The following LSAMP variants were observed in gnomAD, a reference collection of about 807,000 sequenced individuals.
LSAMP encodes limbic system-associated membrane protein.
In LSAMP, 7 loss-of-function variants were observed where a neutral mutation model predicts 38.6. The ratio of observed to expected loss-of-function variants is 0.18; its 90% CI spans 0.10 to 0.34. LSAMP has a LOEUF of 0.34. Ranked by LOEUF, LSAMP falls within the 10% of genes least tolerant of loss-of-function variation. LSAMP has a pLI of 1.00. For missense variants in LSAMP, 313 were observed against 420.0 expected (o/e 0.75, Z 2.23); for synonymous variants, 154 against 166.8 (o/e 0.92, Z 0.59).
chr3:115,976,717 G>A (rs1442952429), intron 3 of LSAMP, among the ~76,000 whole-genome samples: 1 of 152,080 alleles, frequency 6.6e-6, no homozygotes, highest in Non-Finnish European at 1.5e-5. Context: ...TCCCCTTGCT[G>A]TTCTCATGAT....
At chr3:116,375,418 A>C (rs2048483172) in intron 1 of LSAMP, among the ~76,000 whole-genome samples, 1 of 151,996 alleles carries the variant, frequency 6.6e-6, no homozygotes, top group East Asian at 1.9e-4. Flanking sequence ...AAAGGAATTT[A>C]GGAAGTTTTT....
Position 116,086,405 on chromosome 3 carries a change from C to T in LSAMP, c.307G>A (p.Val103Ile), listed in dbSNP as rs1353705019. The change falls in exon 2 of 7, where the codon GTC becomes ATC. Residue 103 changes from valine to isoleucine, a missense_variant. Val to Ile is a conservative substitution (Grantham distance 29). Coordinates refer to ENST00000490035, the MANE Select transcript of LSAMP (RefSeq NM_002338.5). ...EYSLRIQKVD[V>I]YDEGSYTCSV... ...CAAGTGTAGGAACCCTCATCATAGACATCCACCTTCTGGATTCGGAGGCTG... is the reference window on the plus strand; with the variant it reads ...CAAGTGTAGGAACCCTCATCATAGATATCCACCTTCTGGATTCGGAGGCTG... 3 of 1,614,156 alleles carry T rather than the reference C, an allele frequency of 1.9e-6. No homozygotes were observed. The highest frequency in any genetic ancestry group is 2.5e-6 in the Non-Finnish European group (3 of 1,180,004).
chr3:116,078,489 C>T (rs1449123005), intron 2 of LSAMP, among the ~76,000 whole-genome samples: 1 of 151,864 alleles, frequency 6.6e-6, no homozygotes, highest in Admixed American at 6.6e-5. Context: ...CAACACCCAG[C>T]TAAGTTTTTT....
At chr3:116,197,408 G>C (rs1441617180) in intron 1 of LSAMP, among the ~76,000 whole-genome samples, 2 of 152,030 alleles carry the variant, frequency 1.3e-5, no homozygotes, top group Admixed American at 6.5e-5. Flanking sequence ...TTAAACTATA[G>C]TGCAGGCAAT....
At chr3:115,843,040 G>C (rs1043346405) in intron 4 of LSAMP, among the ~76,000 whole-genome samples, 6 of 152,198 alleles carry the variant, frequency 3.9e-5, no homozygotes, top group Non-Finnish European at 5.9e-5. Context: ...ATAATAGCCA[G>C]CTAAAGCCTT....
chr3:116,091,494 A>G (rs1708122782), intron 1 of LSAMP, among the ~76,000 whole-genome samples: 2 of 152,216 alleles, frequency 1.3e-5, no homozygotes, highest in Admixed American at 1.3e-4. Flanking sequence ...ACTCTTCGCA[A>G]TTTATGTTTA....
intron 2 of LSAMP, among the ~76,000 whole-genome samples, chr3:116,020,608 T>G (rs1940611424): frequency 6.6e-6 from 1 of 152,108 alleles, no homozygotes; most frequent in African/African-American, 2.4e-5. Flanking sequence ...TTTGGTGACG[T>G]GAGAAATGAG....
chr3:116,406,905 G>A (rs1207859232), intron 1 of LSAMP, among the ~76,000 whole-genome samples: 2 of 151,706 alleles, frequency 1.3e-5, no homozygotes, highest in South Asian at 2.1e-4. Context: ...AAGAGAAAGC[G>A]CAAAGGAAGA....
At chr3:115,839,250 CTTCCTTCTTTCT>C (rs1267818388) in intron 6 of LSAMP, among the ~76,000 whole-genome samples, 14 of 103,716 alleles carry the variant, frequency 1.3e-4, no homozygotes, top group African/African-American at 3.5e-4. Context: ...TCCTTCCTTC[CTTCCTTCTTTCT>C]TTCCTTCCTT....
At chr3:116,048,879 C>T (rs372414141) in intron 2 of LSAMP, among the ~76,000 whole-genome samples, 4 of 151,776 alleles carry the variant, frequency 2.6e-5, no homozygotes, top group East Asian at 1.9e-4. Context: ...TTCTGCATCA[C>T]GATATGAGAC....
chr3:116,232,991 A>C (rs969830932), intron 1 of LSAMP, among the ~76,000 whole-genome samples: 3 of 151,900 alleles, frequency 2.0e-5, no homozygotes, highest in African/African-American at 4.8e-5. Flanking sequence ...CATATTTGTC[A>C]ATTTTCTGTC....
chr3:116,186,203 A>G lies in LSAMP; in HGVS notation c.156-99647T>C, dbSNP rs79249974. On this transcript the variant is annotated intron_variant, in intron 1 of 6. Transcript: ENST00000490035. Reference sequence around the variant, plus strand: ...AATCTGGCTGCCAGATGAAGTCTTCATGAAAGGGCAGAAAAGATGTATAAA... The same window carrying G: ...AATCTGGCTGCCAGATGAAGTCTTCGTGAAAGGGCAGAAAAGATGTATAAA... 1.6e-3 allele frequency among the ~76,000 whole-genome samples: 251 copies of G among 152,266 alleles called. 1 individual carries two copies. Among genetic ancestry groups the G allele is most frequent in the African/African-American group, 5.4e-3 (224 of 41,562 alleles).
intron 1 of LSAMP, among the ~76,000 whole-genome samples, chr3:116,193,237 C>A (rs1044307069): frequency 1.3e-5 from 2 of 152,156 alleles, no homozygotes; most frequent in African/African-American, 4.8e-5. Flanking sequence ...AGTAAGGCGT[C>A]TTTTATCATA....
intron 1 of LSAMP, among the ~76,000 whole-genome samples, chr3:116,399,532 T>C (rs1364712222): frequency 3.9e-5 from 6 of 152,154 alleles, no homozygotes; most frequent in Non-Finnish European, 7.4e-5. Context: ...GTGGTTAGGA[T>C]CAAACACAGA....
At chr3:116,044,198 T>C (rs993338053) in intron 2 of LSAMP, among the ~76,000 whole-genome samples, 11 of 152,252 alleles carry the variant, frequency 7.2e-5, no homozygotes, top group Admixed American at 3.3e-4. Context: ...GCTGCTTTGC[T>C]TTCTGGATGG....
chr3:116,178,218 G>C (rs1710398678), intron 1 of LSAMP, among the ~76,000 whole-genome samples: 1 of 152,126 alleles, frequency 6.6e-6, no homozygotes, highest in South Asian at 2.1e-4. Context: ...CCAGGCTGGA[G>C]TGTAATGGCA....
At chr3:116,290,474 G>A (rs181187781) in intron 1 of LSAMP, among the ~76,000 whole-genome samples, 2 of 152,170 alleles carry the variant, frequency 1.3e-5, no homozygotes, top group East Asian at 1.9e-4. Context: ...GCTCACGTCT[G>A]TAATCCCAGC....
At chr3:116,318,797 T>C (rs947166106) in intron 1 of LSAMP, among the ~76,000 whole-genome samples, 2 of 152,206 alleles carry the variant, frequency 1.3e-5, no homozygotes, top group Non-Finnish European at 2.9e-5. Flanking sequence ...ATGATAAAGC[T>C]AATTAAATGC....
chr3:116,234,674 C>T (rs1490547148), intron 1 of LSAMP, among the ~76,000 whole-genome samples: 1 of 152,090 alleles, frequency 6.6e-6, no homozygotes, highest in East Asian at 1.9e-4. Flanking sequence ...AACAAGCCCT[C>T]TAAAAAATGA....
Sources: allele counts gnomAD v4.1 joint callset (sites outside exome capture counted in the v4.1 genomes callset), GRCh38; gene constraint gnomAD v4.1.1; transcripts MANE v1.5; gene names NCBI Gene and HGNC (gene_info 2026-07-23, HGNC 2026-07-21).